The following NDFIP2 variants were observed in gnomAD, a reference collection of about 807,000 sequenced individuals.
NDFIP2 encodes the protein NEDD4 family-interacting protein 2.
A neutral mutation model predicts 36.0 loss-of-function variants in NDFIP2; 19 were observed. The observed-to-expected ratio is 0.53, with a 90% confidence interval of 0.37 to 0.77. NDFIP2 has a LOEUF of 0.77. Among genes scored for constraint, NDFIP2 ranks in the 30% least tolerant of loss-of-function variants. The pLI, the probability that NDFIP2 is intolerant of heterozygous loss-of-function variation, is 0.00. For missense variants in NDFIP2, 446 were observed against 435.8 expected (o/e 1.02, Z -0.21); for synonymous variants, 181 against 167.7 (o/e 1.08, Z -0.61).
chr13:79,483,055 T>A (rs1297803293), intron 1 of NDFIP2, among the ~76,000 whole-genome samples: 1 of 152,250 alleles, frequency 6.6e-6, no homozygotes, highest in Non-Finnish European at 1.5e-5. Flanking sequence ...TTAAGATATT[T>A]GTTTTCCCAA....
At chr13:79,538,585 T>G (rs1875336126) in intron 3 of NDFIP2, among the ~76,000 whole-genome samples, 1 of 152,058 alleles carries the variant, frequency 6.6e-6, no homozygotes, top group Non-Finnish European at 1.5e-5. Flanking sequence ...AATCCTAAAG[T>G]TCCAAGATAA....
intron 1 of NDFIP2, among the ~76,000 whole-genome samples, chr13:79,507,034 T>C (rs1030824624): frequency 6.6e-6 from 1 of 152,130 alleles, no homozygotes; most frequent in Non-Finnish European, 1.5e-5. Context: ...ATGAAATCCC[T>C]GCCATGAAAG....
intron 1 of NDFIP2, among the ~76,000 whole-genome samples, chr13:79,489,112 T>A (rs1205529005): frequency 3.3e-5 from 5 of 152,196 alleles, no homozygotes; most frequent in African/African-American, 1.2e-4. Flanking sequence ...AATACAAGTA[T>A]TTATTTTCTT....
intron 1 of NDFIP2, among the ~76,000 whole-genome samples, chr13:79,489,911 G>A (rs968150371): frequency 6.6e-6 from 1 of 152,184 alleles, no homozygotes; most frequent in East Asian, 1.9e-4. Context: ...TGATTTGCAA[G>A]GTCTAATGCC....
At chr13:79,527,709 ATATT>A (rs1482123673) in intron 2 of NDFIP2, among the ~76,000 whole-genome samples, 2 of 152,352 alleles carry the variant, frequency 1.3e-5, no homozygotes, top group Admixed American at 6.5e-5. Context: ...ACTGATTTGT[ATATT>A]TATTAATCTT....
intron 1 of NDFIP2, among the ~76,000 whole-genome samples, chr13:79,513,141 T>A (rs58006070): frequency 0.043 from 6,508 of 152,222 alleles, 486 homozygotes; most frequent in African/African-American, 0.15. Context: ...GCTGGCTGGG[T>A]ACCAACCAGT....
chr13:79,502,830 G>A (rs1873717194), intron 1 of NDFIP2, among the ~76,000 whole-genome samples: 1 of 151,492 alleles, frequency 6.6e-6, no homozygotes. Flanking sequence ...AGGAAAGAAG[G>A]GAGCTATGGA....
intron 2 of NDFIP2, among the ~76,000 whole-genome samples, chr13:79,523,905 GGAA>G (rs773993011): frequency 1.1e-4 from 16 of 152,094 alleles, no homozygotes; most frequent in Admixed American, 6.5e-4. Flanking sequence ...GAAACCTTTT[GGAA>G]GAACATTGTA....
rs1452720461 is a variant in NDFIP2, at chr13:79,481,164, T to C, written c.-40T>C. 34 of 1,445,812 alleles carry C rather than the reference T, an allele frequency of 2.4e-5. No individual in the cohort carries two copies. Among genetic ancestry groups the C allele is most frequent in the Non-Finnish European group, 3.0e-5 (33 of 1,108,026 alleles). 89.6% of individuals were successfully genotyped at this position (1,445,812 alleles called of 1,614,324 possible). A position where few individuals can be genotyped will look rare whatever the true frequency, so the allele number is the denominator to read the frequency against. On this transcript the variant is annotated 5_prime_UTR_variant, in exon 1 of 8. Coordinates refer to ENST00000218652, the MANE Select transcript of NDFIP2 (RefSeq NM_019080.3). ...CCCCCGGACTTGCCTTACTTTTCCA[T>C]CTCCTCCCACCCAGCTATACCCTCC...
intron 1 of NDFIP2, among the ~76,000 whole-genome samples, chr13:79,498,361 T>A (rs926237723): frequency 6.6e-6 from 1 of 152,094 alleles, no homozygotes; most frequent in African/African-American, 2.4e-5. Flanking sequence ...ATAATGATCA[T>A]TATAACTTGA....
chr13:79,485,150 G>A (rs138828505), intron 1 of NDFIP2, among the ~76,000 whole-genome samples: 4 of 152,084 alleles, frequency 2.6e-5, no homozygotes, highest in Non-Finnish European at 5.9e-5. Flanking sequence ...ATATGGATTC[G>A]TGCAGTGGGT....
At chr13:79,497,005 A>G (rs571472428) in intron 1 of NDFIP2, among the ~76,000 whole-genome samples, 1 of 152,118 alleles carries the variant, frequency 6.6e-6, no homozygotes, top group South Asian at 2.1e-4. Flanking sequence ...TATAACCTGA[A>G]TCATCTTGTG....
At chr13:79,483,439 G>T (rs2079826995) in intron 1 of NDFIP2, among the ~76,000 whole-genome samples, 1 of 152,092 alleles carries the variant, frequency 6.6e-6, no homozygotes, top group Non-Finnish European at 1.5e-5. Flanking sequence ...TTAAACTAGG[G>T]ATCAGTCTTC....
At chr13:79,531,095 G>A (rs1416794085) in intron 2 of NDFIP2, among the ~76,000 whole-genome samples, 1 of 152,190 alleles carries the variant, frequency 6.6e-6, no homozygotes. Flanking sequence ...CAAAATGGAT[G>A]TTGTCTTAGT....
At chr13:79,543,214 A>G (rs1758537274) in intron 4 of NDFIP2, among the ~76,000 whole-genome samples, 2 of 152,144 alleles carry the variant, frequency 1.3e-5, no homozygotes, top group South Asian at 2.1e-4. Context: ...TTGTTGGCTG[A>G]TTGCTTAGGC....
intron 1 of NDFIP2, among the ~76,000 whole-genome samples, chr13:79,497,793 GGGGTGT>G (rs1158931116): frequency 5.4e-5 from 5 of 92,864 alleles, no homozygotes; most frequent in African/African-American, 7.4e-5. Context: ...TTATCTGTGG[GGGGTGT>G]GTGTGTGTGT....
intron 3 of NDFIP2, among the ~76,000 whole-genome samples, chr13:79,535,775 G>A (rs2760104): frequency 3.9e-4 from 58 of 148,894 alleles, no homozygotes; most frequent in Non-Finnish European, 7.6e-4. Flanking sequence ...TAGATTTTAA[G>A]CGTTCTTGCA....
chr13:79,524,886 T>C (rs1193551309), intron 2 of NDFIP2, among the ~76,000 whole-genome samples: 1 of 152,210 alleles, frequency 6.6e-6, no homozygotes, highest in Non-Finnish European at 1.5e-5. Context: ...TTCCATGTTT[T>C]ATGCCTTGAT....
intron 3 of NDFIP2, among the ~76,000 whole-genome samples, chr13:79,534,274 G>T (rs1328474996): frequency 6.7e-6 from 1 of 149,854 alleles, no homozygotes; most frequent in African/African-American, 2.5e-5. Context: ...AGCCAGTTTA[G>T]TGACTGTGAA....
Sources: gnomAD v4.1 joint callset for allele counts (sites outside exome capture counted in the v4.1 genomes callset) on GRCh38, gnomAD v4.1.1 for gene constraint, MANE v1.5 for transcripts, NCBI Gene and HGNC (gene_info 2026-07-23, HGNC 2026-07-21) for gene names.